The following ARHGEF10 variants were observed in gnomAD, a reference collection of about 807,000 sequenced individuals.
The protein encoded by ARHGEF10 is Rho guanine nucleotide exchange factor (GEF) 10.
In ARHGEF10, 140 loss-of-function variants were observed where a neutral mutation model predicts 147.4. The ratio of observed to expected loss-of-function variants is 0.95; its 90% CI spans 0.83 to 1.09. ARHGEF10 has a LOEUF of 1.09. Ranked by LOEUF, ARHGEF10 falls within the 50% of genes least tolerant of loss-of-function variation. The pLI is 0.00. For synonymous variants in ARHGEF10, 902 were observed against 695.8 expected (o/e 1.30, Z -4.67); for missense variants, 2,222 against 1,752.7 (o/e 1.27, Z -4.78).
chr8:1,943,258 T>C (rs1481929403), intron 26 of ARHGEF10, among the ~76,000 whole-genome samples: 1 of 152,182 alleles, frequency 6.6e-6, no homozygotes, highest in African/African-American at 2.4e-5. Context: ...TGAGTGAGAC[T>C]TGTGCATGCT....
intron 18 of ARHGEF10, among the ~76,000 whole-genome samples, chr8:1,916,562 C>G (rs1423831743): frequency 6.6e-6 from 1 of 152,134 alleles, no homozygotes; most frequent in Admixed American, 6.5e-5. Flanking sequence ...TGGGAGTCTC[C>G]TAGGCCTTGC....
At chr8:1,863,499 C>T (rs1029398684) in intron 4 of ARHGEF10, among the ~76,000 whole-genome samples, 1 of 152,214 alleles carries the variant, frequency 6.6e-6, no homozygotes, top group Non-Finnish European at 1.5e-5. Flanking sequence ...GCCAGTGTGG[C>T]GATGAGCAGC....
At chr8:1,870,450 G>A (rs981607007) in intron 7 of ARHGEF10, 15 of 152,104 alleles carry the variant, frequency 9.9e-5, no homozygotes, top group African/African-American at 3.6e-4. Flanking sequence ...GCATAGTAAA[G>A]TGCATCCTAT....
chr8:1,882,714 G>T lies in ARHGEF10; in HGVS notation c.1040G>T (p.Arg347Leu). 6.4e-7 allele frequency: 1 copy of T among 1,555,380 alleles called. No individual in the cohort carries two copies. The highest frequency in any genetic ancestry group is 8.7e-7 in the Non-Finnish European group (1 of 1,148,914). The change falls in exon 10 of 29, where the codon CGC (arginine) becomes CTC (leucine). Residue 347 changes from arginine (R) to leucine (L), a missense_variant. Coordinates refer to ENST00000349830, the MANE Select transcript of ARHGEF10 (RefSeq NM_014629.4). ...ACCAGGGCAGCCGTGAAGAGGGGCC[G>T]CTCCTTCATCAGGACCAAGTCTCTC... ...ERTRAAVKRG[R>L]SFIRTKSLIA...
chr8:1,931,723 G>A (rs1050102574), intron 25 of ARHGEF10, among the ~76,000 whole-genome samples: 1 of 152,212 alleles, frequency 6.6e-6, no homozygotes, highest in African/African-American at 2.4e-5. Flanking sequence ...TTAAAAATGT[G>A]AAATTCTGTG....
intron 2 of ARHGEF10, among the ~76,000 whole-genome samples, chr8:1,855,176 C>T (rs916822170): frequency 6.6e-6 from 1 of 152,160 alleles, no homozygotes; most frequent in African/African-American, 2.4e-5. Context: ...CTATTTTGTA[C>T]CAGACATTGT....
At chr8:1,904,843 G>A (rs186304106) in intron 16 of ARHGEF10, among the ~76,000 whole-genome samples, 47 of 152,224 alleles carry the variant, frequency 3.1e-4, no homozygotes, top group Admixed American at 5.9e-4. Context: ...AGTATTGGCC[G>A]GGTGCAGTGG....
intron 11 of ARHGEF10, among the ~76,000 whole-genome samples, chr8:1,888,127 G>C (rs1382972446): frequency 1.3e-5 from 1 of 76,090 alleles, no homozygotes; most frequent in Non-Finnish European, 2.3e-5. Context: ...AGTGGGGTGA[G>C]GGTTTGCGAG....
rs573210813 is a variant in ARHGEF10 at position 1,823,980 on chromosome 8, T to TCGCGGGGGACGCGGGGGACGCGGGGGA, written c.-178_-152dup. ...GGCGCGCGATCCGGGACGGACGGGG[T>TCGCGGGGGACGCGGGGGACGCGGGGGA]CGCGGGGGACGCGGGGGACGCGGGG... On this transcript the variant is annotated 5_prime_UTR_variant, in exon 1 of 29. Transcript: ENST00000349830. 1.6e-5 allele frequency: 2 copies of TCGCGGGGGACGCGGGGGACGCGGGGGA among 123,296 alleles called. No individual in the cohort carries two copies. Among genetic ancestry groups the TCGCGGGGGACGCGGGGGACGCGGGGGA allele is most frequent in the African/African-American group, 3.2e-5 (1 of 31,086 alleles). 7.6% of individuals were successfully genotyped at this position (123,296 alleles called of 1,614,324 possible).
At chr8:1,871,837 C>G (rs1295216313) in intron 7 of ARHGEF10, among the ~76,000 whole-genome samples, 1 of 151,984 alleles carries the variant, frequency 6.6e-6, no homozygotes, top group Non-Finnish European at 1.5e-5. Flanking sequence ...ACAAAACAAA[C>G]AACAGAGAGC....
chr8:1,863,080 G>C (rs988812232), intron 4 of ARHGEF10, among the ~76,000 whole-genome samples: 3 of 152,156 alleles, frequency 2.0e-5, no homozygotes, highest in Admixed American at 6.5e-5. Flanking sequence ...ACCGCGGCCA[G>C]CTGGATCTTT....
chr8:1,894,316 C>A, intron 12 of ARHGEF10, 77 bp from the exon 13 acceptor site: 6 of 1,521,340 alleles, frequency 3.9e-6, no homozygotes, highest in Non-Finnish European at 4.5e-6. Flanking sequence ...CACCACTGCG[C>A]TGCACCCTGG....
At chr8:1,906,587 G>A (rs1158475924) in intron 17 of ARHGEF10, among the ~76,000 whole-genome samples, 1 of 152,132 alleles carries the variant, frequency 6.6e-6, no homozygotes, top group Non-Finnish European at 1.5e-5. Context: ...CCTTGCCTTA[G>A]AGACCCAGGC....
chr8:1,890,770 G>T (rs1379441887), intron 11 of ARHGEF10, among the ~76,000 whole-genome samples: 1 of 148,946 alleles, frequency 6.7e-6, no homozygotes, highest in African/African-American at 2.5e-5. Flanking sequence ...TGATTGGTAG[G>T]GGTGTGTGCA....
At chr8:1,911,235 G>A (rs1207967940) in intron 18 of ARHGEF10, among the ~76,000 whole-genome samples, 2 of 152,262 alleles carry the variant, frequency 1.3e-5, no homozygotes, top group Non-Finnish European at 1.5e-5. Context: ...CAGTTAAGGG[G>A]ACTTTGAAAC....
At chr8:1,892,476 A>G (rs986556089) in intron 11 of ARHGEF10, among the ~76,000 whole-genome samples, 2 of 152,002 alleles carry the variant, frequency 1.3e-5, no homozygotes, top group African/African-American at 4.8e-5. Context: ...TCCATTGTTA[A>G]TCAGGTTTTG....
rs377208926 is a variant in ARHGEF10, at chr8:1,894,557, T to C, written c.1425T>C (p.Asp475=). 21 of 1,614,032 alleles carry C rather than the reference T, an allele frequency of 1.3e-5. No homozygotes were observed. In the East Asian group the frequency reaches 4.2e-4, roughly 33 times the overall value. The change falls in exon 13 of 29, where the codon GAT becomes GAC. Residue 475 remains aspartate, a synonymous_variant. Transcript: ENST00000349830. ...GGGACTCCGTGGAAATGATAGGCGATGTCTTCGTGGCTTCGGTAATTAAGC... is the reference window on the plus strand; with the variant it reads ...GGGACTCCGTGGAAATGATAGGCGACGTCTTCGTGGCTTCGGTAATTAAGC... ...SEWDSVEMIG[D]VFVASFSKSM...
In ARHGEF10 at chr8:1,860,100, T is replaced by G; in HGVS notation, c.397T>G (p.Tyr133Asp). Residue 133 changes from tyrosine to aspartate, a missense_variant, in exon 4 of 29, where the codon TAT (tyrosine) becomes GAT (aspartate). Physicochemically the swap from Tyr to Asp is radical, Grantham distance 160. Coordinates refer to ENST00000349830, the MANE Select transcript of ARHGEF10 (RefSeq NM_014629.4). Reference sequence around the variant, plus strand: ...GTACTTGGTGCCTGTACCCTGCGGCTATGCGGTGCCCTCCAACCTGCCCCT... The same window carrying G: ...GTACTTGGTGCCTGTACCCTGCGGCGATGCGGTGCCCTCCAACCTGCCCCT... ...CGYLVPVPCG[Y>D]AVPSNLPLLL... The G allele has an allele frequency of 1.2e-6, 2 of 1,614,118 alleles. No homozygotes were observed. Among genetic ancestry groups the G allele is most frequent in the Non-Finnish European group, 1.7e-6 (2 of 1,180,010 alleles).
intron 3 of ARHGEF10, among the ~76,000 whole-genome samples, chr8:1,858,543 A>G (rs1012868235): frequency 1.3e-5 from 2 of 152,236 alleles, no homozygotes; most frequent in East Asian, 1.9e-4. Flanking sequence ...CCCAATAAGA[A>G]TGACCTCATC....
Sources: gnomAD v4.1 joint callset for allele counts (sites outside exome capture counted in the v4.1 genomes callset) on GRCh38, gnomAD v4.1.1 for gene constraint, MANE v1.5 for transcripts, NCBI Gene and HGNC (gene_info 2026-07-23, HGNC 2026-07-21) for gene names.